Variants in CDC14A observed in about 807,000 individuals in gnomAD.
CDC14A encodes the protein cell division cycle 14A.
A neutral mutation model predicts 74.4 loss-of-function variants in CDC14A; 53 were observed. The ratio of observed to expected loss-of-function variants is 0.71; its 90% CI spans 0.57 to 0.89. The LOEUF is 0.89. CDC14A is among the 40% of genes least tolerant of loss of function. The probability of loss-of-function intolerance (pLI) is 0.00; values close to 1 mark genes in which losing one functional copy is unlikely to be tolerated. For synonymous variants in CDC14A, 247 were observed against 258.4 expected (o/e 0.96, Z 0.43); for missense variants, 646 against 713.7 (o/e 0.91, Z 1.08).
Position 100,460,993 on chromosome 1 carries a change from C to G in CDC14A, c.608-1658C>G, listed in dbSNP as rs143574331. Among the ~76,000 whole-genome samples the G allele has an allele frequency of 5.1e-3, 777 of 152,286 alleles. 15 individuals carry two copies. Among genetic ancestry groups the G allele is most frequent in the Admixed American group, 0.034 (524 of 15,294 alleles). ...CAGGACCCAAGTGGGAAAATGGGAA[C>G]CACACTAGGCATTTCAAACATAAAG... On this transcript the variant is annotated intron_variant, in intron 8 of 15. Transcript: ENST00000336454.
intron 2 of CDC14A, among the ~76,000 whole-genome samples, chr1:100,375,790 A>G (rs551832090): frequency 6.6e-6 from 1 of 152,342 alleles, no homozygotes; most frequent in East Asian, 1.9e-4. Flanking sequence ...CAGCCATCCC[A>G]TTACTGGGTG....
intron 4 of CDC14A, among the ~76,000 whole-genome samples, chr1:100,417,367 T>C (rs1259788162): frequency 6.6e-6 from 1 of 152,236 alleles, no homozygotes; most frequent in Non-Finnish European, 1.5e-5. Context: ...CCCTCGTATA[T>C]GTGCAGGTTC....
In CDC14A at chr1:100,352,665, G is replaced by T; in HGVS notation, c.-290G>T. 1 of 1,258,812 alleles carries T rather than the reference G, an allele frequency of 7.9e-7. No homozygotes were observed. The highest frequency in any genetic ancestry group is 1.0e-6 in the Non-Finnish European group (1 of 1,000,016). The allele number at this position is 1,258,812 out of a possible 1,614,324, so 78.0% of individuals were successfully genotyped here. A position where few individuals can be genotyped will look rare whatever the true frequency, so the allele number is the denominator to read the frequency against. The stretch of plus-strand genomic sequence containing the variant: ...GAGCTGGTCTGCGTTTCCCAGGCGC[G>T]GCGGCGGCGGAGCAGCAGCTGCAGC... On this transcript the variant is annotated 5_prime_UTR_variant, in exon 1 of 16. Coordinates refer to ENST00000336454, the MANE Select transcript of CDC14A (RefSeq NM_003672.4).
chr1:100,387,874 C>CA (rs1172174131), intron 3 of CDC14A, among the ~76,000 whole-genome samples: 1 of 151,956 alleles, frequency 6.6e-6, no homozygotes, highest in Non-Finnish European at 1.5e-5. Flanking sequence ...CAACCCCCTC[C>CA]AAAAAAACCC....
At chr1:100,412,584 G>T (rs1005672044) in intron 4 of CDC14A, among the ~76,000 whole-genome samples, 1 of 147,636 alleles carries the variant, frequency 6.8e-6, no homozygotes, top group Non-Finnish European at 1.5e-5. Context: ...TGCTGGCCAG[G>T]GTGAAGGGGG....
chr1:100,420,051 C>CATAT (rs1430165704), intron 4 of CDC14A, among the ~76,000 whole-genome samples: 36 of 14,844 alleles, frequency 2.4e-3, no homozygotes, highest in African/African-American at 8.3e-3. Context: ...CACACACACA[C>CATAT]ACACACACAC....
intron 2 of CDC14A, among the ~76,000 whole-genome samples, chr1:100,365,526 C>T (rs565695848): frequency 2.0e-5 from 3 of 152,106 alleles, no homozygotes; most frequent in South Asian, 4.1e-4. Flanking sequence ...TAGATGAGGA[C>T]GTGGAGTCCC....
chr1:100,429,545 C>G (rs1663385499), intron 5 of CDC14A, among the ~76,000 whole-genome samples: 1 of 151,432 alleles, frequency 6.6e-6, no homozygotes, highest in Non-Finnish European at 1.5e-5. Flanking sequence ...ACTACTGATC[C>G]CTAGATTCTG....
chr1:100,473,971 T>C (rs765003593), intron 10 of CDC14A, among the ~76,000 whole-genome samples: 1 of 152,178 alleles, frequency 6.6e-6, no homozygotes, highest in Non-Finnish European at 1.5e-5. Context: ...GGATTAAGTA[T>C]GTTAATTGAG....
At chr1:100,436,631 G>A (rs373806514) in intron 5 of CDC14A, among the ~76,000 whole-genome samples, 1 of 151,998 alleles carries the variant, frequency 6.6e-6, no homozygotes, top group South Asian at 2.1e-4. Context: ...CACTATGTTG[G>A]ACCAGGCTGG....
At position 100,358,523 on chromosome 1, in the gene CDC14A, A is replaced by G. The variant is rs182858952; in HGVS notation, c.140+4671A>G. 1.5e-3 allele frequency among the ~76,000 whole-genome samples: 233 copies of G among 152,324 alleles called. 1 individual carries two copies. The highest frequency in any genetic ancestry group is 3.4e-3 in the Middle Eastern group (1 of 294). ...TTTTGAGTTGTGAAGAAAGGTATTG[A>G]AAGTGCAGGAAAGAGCTCTTTAGGG... On this transcript the variant is annotated intron_variant, in intron 2 of 15. Transcript: ENST00000336454.
At chr1:100,382,999 A>G (rs1223171304) in intron 3 of CDC14A, among the ~76,000 whole-genome samples, 2 of 152,226 alleles carry the variant, frequency 1.3e-5, no homozygotes, top group Non-Finnish European at 2.9e-5. Context: ...TATTATAACT[A>G]CAAAAACATG....
chr1:100,439,393 G>A (rs1053151655), intron 5 of CDC14A, among the ~76,000 whole-genome samples: 41 of 152,200 alleles, frequency 2.7e-4, no homozygotes, highest in African/African-American at 9.4e-4. Flanking sequence ...TCATATTCCT[G>A]ACAGGAGGTT....
intron 2 of CDC14A, among the ~76,000 whole-genome samples, chr1:100,368,403 T>A (rs1039574026): frequency 6.6e-6 from 1 of 152,354 alleles, no homozygotes; most frequent in Non-Finnish European, 1.5e-5. Context: ...TGTGTTATTG[T>A]AGTATGCCAA....
At chr1:100,476,975 C>CTCT (rs1668966445) in intron 10 of CDC14A, among the ~76,000 whole-genome samples, 1 of 152,042 alleles carries the variant, frequency 6.6e-6, no homozygotes, top group African/African-American at 2.4e-5. Flanking sequence ...GAGGAGAAGC[C>CTCT]GATGTGATGA....
chr1:100,453,595 C>A (rs1666361584), intron 7 of CDC14A, among the ~76,000 whole-genome samples: 1 of 152,116 alleles, frequency 6.6e-6, no homozygotes, highest in African/African-American at 2.4e-5. Context: ...CATGTGCAAT[C>A]ATAACACTCA....
At chr1:100,447,416 A>G (rs971541688) in intron 7 of CDC14A, among the ~76,000 whole-genome samples, 1 of 152,232 alleles carries the variant, frequency 6.6e-6, no homozygotes, top group South Asian at 2.1e-4. Context: ...CCGATCAGAC[A>G]TGAAATTTGG....
intron 3 of CDC14A, among the ~76,000 whole-genome samples, chr1:100,379,616 G>C (rs1218375483): frequency 6.6e-6 from 1 of 152,210 alleles, no homozygotes; most frequent in Non-Finnish European, 1.5e-5. Flanking sequence ...ACTGTCACAG[G>C]GTGGTGGTTA....
At chr1:100,372,700 C>G (rs1270247127) in intron 2 of CDC14A, among the ~76,000 whole-genome samples, 1 of 152,198 alleles carries the variant, frequency 6.6e-6, no homozygotes, top group Non-Finnish European at 1.5e-5. Context: ...ATCTTAAACC[C>G]CTCAATAGCA....
Sources: gnomAD v4.1 joint callset for allele counts (sites outside exome capture counted in the v4.1 genomes callset) on GRCh38, gnomAD v4.1.1 for gene constraint, MANE v1.5 for transcripts, NCBI Gene and HGNC (gene_info 2026-07-23, HGNC 2026-07-21) for gene names.